The following RSU1 variants were observed in gnomAD, a reference collection of about 807,000 sequenced individuals.
RSU1 encodes rsu-1.
A neutral mutation model predicts 31.1 loss-of-function variants in RSU1; 26 were observed. The observed-to-expected ratio is 0.84, with a 90% CI of 0.61 to 1.16. The LOEUF (loss-of-function observed/expected upper bound fraction) is 1.16. Ranked by LOEUF, RSU1 falls within the 50% of genes most tolerant of loss-of-function variation. RSU1 has a pLI of 0.00. For missense variants in RSU1, 320 were observed against 339.1 expected, an observed-to-expected ratio of 0.94 and a Z score of 0.44; for synonymous variants, 164 against 136.3, an observed-to-expected ratio of 1.20 and a Z score of -1.41.
At chr10:16,674,688 C>T (rs533635568) in intron 8 of RSU1, among the ~76,000 whole-genome samples, 8 of 152,150 alleles carry the variant, frequency 5.3e-5, no homozygotes, top group South Asian at 2.1e-4. Context: ...GCTGAGATGG[C>T]ATTTGAACTG....
intron 8 of RSU1, among the ~76,000 whole-genome samples, chr10:16,599,330 C>A (rs1833675556): frequency 6.6e-6 from 1 of 152,192 alleles, no homozygotes; most frequent in Admixed American, 6.5e-5. Flanking sequence ...TTCTCCATCT[C>A]CTTCACCTGG....
intron 8 of RSU1, among the ~76,000 whole-genome samples, chr10:16,646,413 A>G (rs531476461): frequency 2.8e-4 from 42 of 152,224 alleles, no homozygotes; most frequent in African/African-American, 9.9e-4. Flanking sequence ...TCTTGGTTCA[A>G]TGACTGAAAC....
intron 8 of RSU1, among the ~76,000 whole-genome samples, chr10:16,594,756 C>T (rs1313963270): frequency 7.1e-6 from 1 of 141,146 alleles, no homozygotes; most frequent in Admixed American, 7.1e-5. Context: ...ATAAAATATA[C>T]TATATTATCT....
intron 8 of RSU1, among the ~76,000 whole-genome samples, chr10:16,669,734 C>T (rs1010254687): frequency 2.6e-5 from 4 of 152,240 alleles, no homozygotes; most frequent in South Asian, 2.1e-4. Flanking sequence ...CAGCTCCATC[C>T]GTGTCCCTGC....
intron 8 of RSU1, among the ~76,000 whole-genome samples, chr10:16,675,538 C>G (rs192534361): frequency 8.6e-5 from 13 of 152,038 alleles, no homozygotes; most frequent in Non-Finnish European, 1.8e-4. Flanking sequence ...GCAGCCAATT[C>G]CAGAACACTA....
chr10:16,659,556 T>A (rs1834851350), intron 8 of RSU1, among the ~76,000 whole-genome samples: 1 of 152,310 alleles, frequency 6.6e-6, no homozygotes, highest in East Asian at 1.9e-4. Context: ...CATATATGCA[T>A]GAGATTATTT....
At chr10:16,757,668 A>C (rs1361670404) in intron 4 of RSU1, among the ~76,000 whole-genome samples, 22 of 152,360 alleles carry the variant, frequency 1.4e-4, no homozygotes, top group Middle Eastern at 3.4e-3. Context: ...CCAAGACTTC[A>C]GAAGTGACTG....
intron 8 of RSU1, among the ~76,000 whole-genome samples, chr10:16,676,213 G>A (rs368609357): frequency 4.2e-4 from 64 of 152,270 alleles, no homozygotes; most frequent in African/African-American, 1.4e-3. Flanking sequence ...AAATACCCAC[G>A]ACTGAGTAGT....
At position 16,735,555 on chromosome 10, in the gene RSU1, C is replaced by T. The variant is rs373895636; in HGVS notation, c.598+16984G>A. On this transcript the variant is annotated intron_variant, in intron 7 of 8. Coordinates refer to ENST00000345264, the MANE Select transcript of RSU1 (RefSeq NM_012425.4). ...TGGGCAATGTATTAGTCCATTCTCA[C>T]ACTGCTAATAAAGACATACCCAAGA... Among the ~76,000 whole-genome samples, 3 of 152,282 alleles carry T rather than the reference C, an allele frequency of 2.0e-5. No homozygotes were observed. The East Asian group carries it at 5.8e-4, about 29-fold the overall frequency.
chr10:16,646,234 C>T (rs1033227613), intron 8 of RSU1, among the ~76,000 whole-genome samples: 3 of 151,874 alleles, frequency 2.0e-5, no homozygotes, highest in Non-Finnish European at 4.4e-5. Context: ...GGAGAAAGCC[C>T]GTTCCCCATT....
At chr10:16,746,204 C>A (rs959287985) in intron 7 of RSU1, among the ~76,000 whole-genome samples, 1 of 152,106 alleles carries the variant, frequency 6.6e-6, no homozygotes, top group African/African-American at 2.4e-5. Context: ...AAATACTATG[C>A]TTCTCATAGT....
At chr10:16,685,063 C>T (rs924628344) in intron 8 of RSU1, among the ~76,000 whole-genome samples, 1 of 152,120 alleles carries the variant, frequency 6.6e-6, no homozygotes, top group African/African-American at 2.4e-5. Context: ...GTCTGGCCAA[C>T]ATGGCAAAAC....
chr10:16,694,964 G>T, intron 8 of RSU1, 59 bp downstream of exon 8: 1 of 1,461,730 alleles, frequency 6.8e-7, no homozygotes, highest in Non-Finnish European at 9.4e-7. Flanking sequence ...TTTTAAAGGC[G>T]TAATTATAAA....
chr10:16,727,361 G>A (rs1035540187), intron 7 of RSU1, among the ~76,000 whole-genome samples: 6 of 152,086 alleles, frequency 3.9e-5, no homozygotes, highest in South Asian at 2.1e-4. Flanking sequence ...AGATAAATAC[G>A]TGTTTCTGGC....
intron 8 of RSU1, among the ~76,000 whole-genome samples, chr10:16,618,598 T>A (rs1231514083): frequency 5.3e-5 from 8 of 152,154 alleles, no homozygotes; most frequent in African/African-American, 1.9e-4. Context: ...GATGATAGAC[T>A]GGATAAAGAA....
intron 7 of RSU1, among the ~76,000 whole-genome samples, chr10:16,736,308 T>C (rs1564338289): frequency 6.6e-6 from 1 of 152,106 alleles, no homozygotes; most frequent in Non-Finnish European, 1.5e-5. Context: ...ACAAGGAAGA[T>C]ATAAGCTAAA....
In RSU1 at chr10:16,607,780, A is replaced by C. The variant is rs575222378; in HGVS notation, c.732-14284T>G. Reference sequence around the variant, plus strand: ...TATTAACATATTTACCCCTTAACCAAATCATGTTACGTGAAACTCTACAGG... The same window carrying C: ...TATTAACATATTTACCCCTTAACCACATCATGTTACGTGAAACTCTACAGG... On this transcript the variant is annotated intron_variant, in intron 8 of 8. Coordinates refer to ENST00000345264, the MANE Select transcript of RSU1 (RefSeq NM_012425.4). Among the ~76,000 whole-genome samples the C allele has an allele frequency of 8.8e-4, 134 of 152,270 alleles. 1 individual carries two copies. The highest frequency in any genetic ancestry group is 2.9e-3 in the African/African-American group (121 of 41,562).
chr10:16,761,497 T>C (rs1439177502), intron 4 of RSU1, among the ~76,000 whole-genome samples: 1 of 152,082 alleles, frequency 6.6e-6, no homozygotes, highest in Admixed American at 6.5e-5. Flanking sequence ...TCACACTTTA[T>C]ACTCAACAGT....
chr10:16,781,196 T>C (rs1017403151), intron 3 of RSU1, among the ~76,000 whole-genome samples: 1 of 152,076 alleles, frequency 6.6e-6, no homozygotes, highest in Non-Finnish European at 1.5e-5. Context: ...ACTGAGTCAT[T>C]AGGAATGGGA....
Sources: allele counts gnomAD v4.1 joint callset (sites outside exome capture counted in the v4.1 genomes callset), GRCh38; gene constraint gnomAD v4.1.1; transcripts MANE v1.5; gene names NCBI Gene and HGNC (gene_info 2026-07-23, HGNC 2026-07-21).